Variants in IL1RAPL2 observed in about 807,000 individuals in gnomAD.
The protein encoded by IL1RAPL2 is X-linked interleukin-1 receptor accessory protein-like 2.
IL1RAPL2 carries 3 observed loss-of-function variants against 44.1 expected under a neutral mutation model. That is an observed-to-expected ratio of 0.07 (90% confidence interval 0.03 to 0.18). The LOEUF (loss-of-function observed/expected upper bound fraction) is 0.18, where lower values mean the gene tolerates loss of function less well. Among genes scored for constraint, IL1RAPL2 ranks in the 10% least tolerant of loss-of-function variants. IL1RAPL2 has a pLI of 1.00. For missense variants in IL1RAPL2, 391 were observed against 496.4 expected (o/e 0.79, Z 2.02); for synonymous variants, 181 against 178.8 (o/e 1.01, Z -0.10).
At chrX:105,709,371 AG>A (rs2038190048) in intron 6 of IL1RAPL2, among the ~76,000 whole-genome samples, 1 of 112,111 alleles carries the variant, frequency 8.9e-6, no homozygotes, top group African/African-American at 3.2e-5. Context: ...TAAAGTTAAA[AG>A]CTACCTGAGG....
At chrX:105,151,513 G>GT (rs200796980) in intron 2 of IL1RAPL2, among the ~76,000 whole-genome samples, 1,427 of 107,041 alleles carry the variant, frequency 0.013, 22 homozygotes, top group East Asian at 0.058. Flanking sequence ...AGGTTTTTCT[G>GT]TTTTTTTTTG....
rs1348882481 is a variant in IL1RAPL2, at chrX:105,510,967, A to G, written c.772+26580A>G. Among the ~76,000 whole-genome samples the G allele has an allele frequency of 1.8e-5, 2 of 111,915 alleles. 1 individual carries two copies. Among genetic ancestry groups the G allele is most frequent in the East Asian group, 5.7e-4 (2 of 3,537 alleles). On this transcript the variant is annotated intron_variant, in intron 6 of 10. Transcript: ENST00000372582. Reference sequence around the variant, plus strand: ...AACTAATAGACTTCATCTTATGAGTAGGAATGCACTGCACTGAAAGAGGAA... The same window carrying G: ...AACTAATAGACTTCATCTTATGAGTGGGAATGCACTGCACTGAAAGAGGAA...
Position 105,352,611 on chromosome X carries a change from A to G in IL1RAPL2, c.697+85070A>G, listed in dbSNP as rs374374962. Among the ~76,000 whole-genome samples, 526 of 109,326 alleles carry G rather than the reference A, an allele frequency of 4.8e-3. 5 individuals are homozygous for G. The highest frequency in any genetic ancestry group is 0.016 in the African/African-American group (495 of 30,059). 94.9% of individuals were successfully genotyped at this position (109,326 alleles called of 115,157 possible). ...GCACCTGTTGTTTCCTGACTTTTTA[A>G]TGATCGCCATTCTAACTGGTGTGAG... On this transcript the variant is annotated intron_variant, in intron 5 of 10. Coordinates refer to ENST00000372582, the MANE Select transcript of IL1RAPL2 (RefSeq NM_017416.2).
chrX:105,267,270 T>A (rs2034410091), intron 4 of IL1RAPL2, 118 bp from the exon 5 acceptor site: 2 of 621,389 alleles, frequency 3.2e-6, no homozygotes, highest in Admixed American at 6.8e-5. Context: ...ACTCCTTAGT[T>A]ACATATTTTG....
chrX:105,653,286 GA>G (rs2037654088), intron 6 of IL1RAPL2, among the ~76,000 whole-genome samples: 3 of 111,413 alleles, frequency 2.7e-5, no homozygotes, highest in Non-Finnish European at 5.7e-5. Flanking sequence ...ATGAGAATGT[GA>G]CACATCAAAA....
At chrX:105,715,216 T>C (rs1328648764) in intron 6 of IL1RAPL2, among the ~76,000 whole-genome samples, 5 of 112,143 alleles carry the variant, frequency 4.5e-5, no homozygotes, top group African/African-American at 1.6e-4. Context: ...AGTTTTCACA[T>C]TGGCATCACA....
intron 2 of IL1RAPL2, among the ~76,000 whole-genome samples, chrX:105,151,475 T>C (rs2033226784): frequency 9.0e-6 from 1 of 110,780 alleles, no homozygotes; most frequent in Admixed American, 9.7e-5. Flanking sequence ...AAATGGTGTC[T>C]ACTCTACAGG....
At chrX:104,846,983 C>A (rs1322635943) in intron 2 of IL1RAPL2, among the ~76,000 whole-genome samples, 9 of 112,435 alleles carry the variant, frequency 8.0e-5, no homozygotes, top group African/African-American at 2.9e-4. Flanking sequence ...CTGTTGGCTG[C>A]ATAAATGTCT....
chrX:105,255,459 A>T (rs2034306180), intron 4 of IL1RAPL2, among the ~76,000 whole-genome samples: 1 of 111,944 alleles, frequency 8.9e-6, no homozygotes, highest in African/African-American at 3.2e-5. Flanking sequence ...CAGCAATCCC[A>T]TTACTGGGTA....
At chrX:104,748,041 T>C (rs903917110) in intron 2 of IL1RAPL2, among the ~76,000 whole-genome samples, 18 of 111,373 alleles carry the variant, frequency 1.6e-4, no homozygotes, top group African/African-American at 5.5e-4. Context: ...CTGGAATAAG[T>C]CTCTGCATGT....
intron 3 of IL1RAPL2, among the ~76,000 whole-genome samples, chrX:105,204,535 A>G (rs868963625): frequency 8.9e-6 from 1 of 112,046 alleles, no homozygotes; most frequent in Non-Finnish European, 1.9e-5. Flanking sequence ...GCCTATCACT[A>G]TGGCGAACCC....
Position 105,233,878 on chromosome X carries a change from C to A in IL1RAPL2, c.417C>A (p.Gly139=). 1 of 1,209,316 alleles carries A rather than the reference C, an allele frequency of 8.3e-7. No homozygotes were observed. The highest frequency in any genetic ancestry group is 1.8e-5 in the South Asian group (1 of 56,862). ...MSLTVAENES[G]LCYNSRIRYL... Reference sequence around the variant, plus strand: ...TGACTGTTGCAGAGAATGAATCAGGCCTGTGCTACAACAGCAGGATCCGCT... The same window carrying A: ...TGACTGTTGCAGAGAATGAATCAGGACTGTGCTACAACAGCAGGATCCGCT... Residue 139 remains glycine (G), a synonymous_variant, in exon 4 of 11, where the codon GGC becomes GGA. Coordinates refer to ENST00000372582, the MANE Select transcript of IL1RAPL2 (RefSeq NM_017416.2).
intron 5 of IL1RAPL2, among the ~76,000 whole-genome samples, chrX:105,383,870 A>T (rs969311237): frequency 9.0e-6 from 1 of 111,092 alleles, no homozygotes; most frequent in Non-Finnish European, 1.9e-5. Flanking sequence ...GATGTGGAAA[A>T]TTTTTTTCAT....
chrX:105,123,468 C>T (rs927943700), intron 2 of IL1RAPL2, among the ~76,000 whole-genome samples: 1 of 110,489 alleles, frequency 9.1e-6, no homozygotes, highest in African/African-American at 3.3e-5. Context: ...ATACGAATAT[C>T]AGCCACAAAT....
rs1183867943 is a variant in IL1RAPL2, at chrX:104,757,406, G to A, written c.82+98411G>A. On this transcript the variant is annotated intron_variant, in intron 2 of 10. Coordinates refer to ENST00000372582, the MANE Select transcript of IL1RAPL2 (RefSeq NM_017416.2). ...TTTGAGTTGCCTATTAAACGTCTAAGAGAATTGTTGTATAGGCTTTAAATG... is the reference window on the plus strand; with the variant it reads ...TTTGAGTTGCCTATTAAACGTCTAAAAGAATTGTTGTATAGGCTTTAAATG... Among the ~76,000 whole-genome samples, 6 of 111,500 alleles carry A rather than the reference G, an allele frequency of 5.4e-5. No homozygotes were observed. The Admixed American group carries it at 5.7e-4, about 11-fold the overall frequency.
chrX:105,673,692 G>A (rs1293105665), intron 6 of IL1RAPL2, among the ~76,000 whole-genome samples: 2 of 111,824 alleles, frequency 1.8e-5, no homozygotes, highest in African/African-American at 6.5e-5. Flanking sequence ...CCAGTAATGG[G>A]ATTGCTGGGT....
At chrX:105,459,981 A>G (rs992926724) in intron 5 of IL1RAPL2, among the ~76,000 whole-genome samples, 3 of 111,536 alleles carry the variant, frequency 2.7e-5, no homozygotes, top group Admixed American at 1.9e-4. Flanking sequence ...TATTTTGGCT[A>G]TGCTAAATCA....
intron 7 of IL1RAPL2, among the ~76,000 whole-genome samples, chrX:105,732,789 T>C (rs772861780): frequency 4.5e-5 from 5 of 111,736 alleles, no homozygotes; most frequent in Admixed American, 9.5e-5. Flanking sequence ...TGCTGGTGCA[T>C]GATAATGGAG....
At chrX:104,654,802 T>C (rs1036277593) in intron 1 of IL1RAPL2, among the ~76,000 whole-genome samples, 1 of 111,626 alleles carries the variant, frequency 9.0e-6, no homozygotes, top group African/African-American at 3.3e-5. Flanking sequence ...TTCCTATCCA[T>C]GAGGACAGGA....
Sources: gnomAD v4.1 joint callset for allele counts (sites outside exome capture counted in the v4.1 genomes callset) on GRCh38, gnomAD v4.1.1 for gene constraint, MANE v1.5 for transcripts, NCBI Gene and HGNC (gene_info 2026-07-23, HGNC 2026-07-21) for gene names.